The following C7orf78 variants were observed in gnomAD, a reference collection of about 807,000 sequenced individuals.
C7orf78 encodes the protein putative uncharacterized protein C7orf78.
chr7:12,524,991 T>G, the C7orf78 span, among the ~76,000 whole-genome samples: 1 of 152,270 alleles, frequency 6.6e-6, no homozygotes, highest in South Asian at 2.1e-4. Flanking sequence ...CCACCAGATG[T>G]CAGTATTGTT....
the C7orf78 span, among the ~76,000 whole-genome samples, chr7:12,510,182 G>T: frequency 8.5e-4 from 1 of 1,174 alleles, no homozygotes; most frequent in South Asian, 0.17. Context: ...TGGGAGGGTG[G>T]GGGGGTTTCT....
At chr7:12,490,270 G>T in the C7orf78 span, among the ~76,000 whole-genome samples, 1 of 152,154 alleles carries the variant, frequency 6.6e-6, no homozygotes, top group African/African-American at 2.4e-5. Flanking sequence ...ATAATAGAGG[G>T]ATGATGCTCA....
the C7orf78 span, among the ~76,000 whole-genome samples, chr7:12,489,719 C>CA: frequency 1.7e-3 from 256 of 152,064 alleles, no homozygotes; most frequent in African/African-American, 5.6e-3. Flanking sequence ...AAAGCCAAGA[C>CA]AAAAAACCAC....
At chr7:12,535,258 T>A in the C7orf78 span, among the ~76,000 whole-genome samples, 1 of 152,204 alleles carries the variant, frequency 6.6e-6, no homozygotes, top group Non-Finnish European at 1.5e-5. Flanking sequence ...TTATTGGACT[T>A]ACAGTTCCAC....
At chr7:12,539,493 TTTGA>T in the C7orf78 span, among the ~76,000 whole-genome samples, 1 of 152,074 alleles carries the variant, frequency 6.6e-6, no homozygotes, top group Non-Finnish European at 1.5e-5. Flanking sequence ...CCTTCAGATG[TTTGA>T]TTTATTCCTT....
chr7:12,532,652 T>C, the C7orf78 span, among the ~76,000 whole-genome samples: 1 of 152,298 alleles, frequency 6.6e-6, no homozygotes, highest in Non-Finnish European at 1.5e-5. Flanking sequence ...TAGTCGAAGT[T>C]TGCATTTGTG....
the C7orf78 span, chr7:12,530,911 C>A: frequency 2.5e-6 from 1 of 395,718 alleles, no homozygotes; most frequent in Non-Finnish European, 4.5e-6. Context: ...TACAGATACA[C>A]TTTTAAAGCA....
the C7orf78 span, among the ~76,000 whole-genome samples, chr7:12,497,644 G>A: frequency 6.6e-6 from 1 of 152,178 alleles, no homozygotes; most frequent in South Asian, 2.1e-4. Flanking sequence ...CAAGGCGGCA[G>A]CGAGGCTGGG....
the C7orf78 span, among the ~76,000 whole-genome samples, chr7:12,512,916 A>G: frequency 1.3e-5 from 2 of 152,134 alleles, no homozygotes; most frequent in Non-Finnish European, 2.9e-5. Context: ...GTATGCCTCC[A>G]GGAATTTTTC....
chr7:12,510,707 A>G, the C7orf78 span, among the ~76,000 whole-genome samples: 1 of 151,962 alleles, frequency 6.6e-6, no homozygotes, highest in East Asian at 1.9e-4. Flanking sequence ...AGATCTGTTT[A>G]TTCTTGTGCT....
At chr7:12,514,450 T>G in the C7orf78 span, among the ~76,000 whole-genome samples, 1 of 152,114 alleles carries the variant, frequency 6.6e-6, no homozygotes, top group Non-Finnish European at 1.5e-5. Context: ...AAGTTGAGTT[T>G]CTTGTAAGCA....
At chr7:12,541,239 C>G in the C7orf78 span, 1 of 152,274 alleles carries the variant, frequency 6.6e-6, no homozygotes, top group Non-Finnish European at 1.5e-5. Context: ...ATGCTCTAGT[C>G]TCAGGTAAAG....
the C7orf78 span, chr7:12,486,963 G>C: frequency 6.8e-6 from 1 of 146,440 alleles, no homozygotes; most frequent in Middle Eastern, 3.5e-3. Flanking sequence ...TTTTTTTTCA[G>C]AGACTAACTT....
chr7:12,493,679 A>G, the C7orf78 span, among the ~76,000 whole-genome samples: 1 of 152,280 alleles, frequency 6.6e-6, no homozygotes, highest in Non-Finnish European at 1.5e-5. Context: ...TGCTTATTAG[A>G]TGTATAATCT....
At chr7:12,520,566 T>A in the C7orf78 span, among the ~76,000 whole-genome samples, 50 of 152,252 alleles carry the variant, frequency 3.3e-4, no homozygotes, top group African/African-American at 1.2e-3. Context: ...TTTCTAGTTT[T>A]ATTCCACTGT....
the C7orf78 span, among the ~76,000 whole-genome samples, chr7:12,536,672 C>T: frequency 6.6e-6 from 1 of 152,164 alleles, no homozygotes; most frequent in Non-Finnish European, 1.5e-5. Flanking sequence ...CTTTTATGCT[C>T]TGCTTCCCTT....
At chr7:12,501,820 G>A in the C7orf78 span, among the ~76,000 whole-genome samples, 4 of 121,908 alleles carry the variant, frequency 3.3e-5, no homozygotes, top group Non-Finnish European at 3.4e-5. Context: ...CACACTACCT[G>A]ACTTCAAACT....
At chr7:12,514,240 C>T in the C7orf78 span, among the ~76,000 whole-genome samples, 6 of 152,038 alleles carry the variant, frequency 3.9e-5, no homozygotes, top group Non-Finnish European at 7.3e-5. Flanking sequence ...GTGTTGGGTG[C>T]ACATATACCT....
chr7:12,489,595 C>T, the C7orf78 span, among the ~76,000 whole-genome samples: 4 of 151,998 alleles, frequency 2.6e-5, no homozygotes, highest in Admixed American at 6.6e-5. Context: ...TGGTCTAGGG[C>T]TTGGATTGGA....
Sources: allele counts gnomAD v4.1 joint callset (sites outside exome capture counted in the v4.1 genomes callset), GRCh38; gene constraint gnomAD v4.1.1; transcripts MANE v1.5; gene names NCBI Gene and HGNC (gene_info 2026-07-23, HGNC 2026-07-21).